The following STK32B variants were observed in gnomAD, a reference collection of about 807,000 sequenced individuals.
STK32B encodes serine/threonine-protein kinase 32B.
In STK32B, 43 loss-of-function variants were observed where a neutral mutation model predicts 52.6. That is an observed-to-expected ratio of 0.82 (90% CI 0.64 to 1.05). STK32B has a LOEUF of 1.05. Among genes scored for constraint, STK32B ranks in the 50% least tolerant of loss-of-function variants. The pLI, the probability that STK32B is intolerant of heterozygous loss-of-function variation, is 0.00. For synonymous variants in STK32B, 238 were observed against 204.3 expected (o/e 1.17, Z -1.41); for missense variants, 621 against 534.6 (o/e 1.16, Z -1.59).
the STK32B span, among the ~76,000 whole-genome samples, chr4:5,044,762 T>G: frequency 6.6e-6 from 1 of 151,968 alleles, no homozygotes; most frequent in Non-Finnish European, 1.5e-5. Flanking sequence ...AAATAAAAAG[T>G]CAGCCAGGTG....
chr4:5,124,766 G>A (rs906437719), intron 1 of STK32B, among the ~76,000 whole-genome samples: 5 of 152,174 alleles, frequency 3.3e-5, no homozygotes, highest in African/African-American at 1.2e-4. Flanking sequence ...ATGCACGTGT[G>A]TGTTTTAGGG....
chr4:5,249,482 CCTTCCTT>C (rs1725748792), intron 3 of STK32B, among the ~76,000 whole-genome samples: 3 of 142,406 alleles, frequency 2.1e-5, no homozygotes, highest in East Asian at 2.0e-4. Context: ...TTCCTTCCTT[CCTTCCTT>C]CCTTCCTTCC....
chr4:5,213,425 C>G (rs553113653), intron 3 of STK32B, among the ~76,000 whole-genome samples: 1 of 152,196 alleles, frequency 6.6e-6, no homozygotes, highest in Admixed American at 6.5e-5. Flanking sequence ...ATCCAGATTC[C>G]TTTCTGTTGG....
chr4:5,126,677 T>A (rs548488116), intron 1 of STK32B, among the ~76,000 whole-genome samples: 2 of 152,246 alleles, frequency 1.3e-5, no homozygotes, highest in Non-Finnish European at 2.9e-5. Context: ...TAGCTTTAGT[T>A]ACTTCTTAAA....
chr4:5,446,597 C>T, intron 6 of STK32B, 76 bp from the exon 7 acceptor site: 1 of 1,235,764 alleles, frequency 8.1e-7, no homozygotes, highest in Non-Finnish European at 1.2e-6. Context: ...CAATTTCTCT[C>T]CTTGTCCCCT....
chr4:5,443,883 G>A (rs1280725766), intron 6 of STK32B, among the ~76,000 whole-genome samples: 1 of 152,208 alleles, frequency 6.6e-6, no homozygotes, highest in Non-Finnish European at 1.5e-5. Context: ...GTGTGCCCCT[G>A]CTGGGGGGTG....
chr4:5,258,875 A>T (rs980482566), intron 3 of STK32B, among the ~76,000 whole-genome samples: 2 of 152,274 alleles, frequency 1.3e-5, no homozygotes, highest in Middle Eastern at 3.4e-3. Context: ...TCTCACTCGG[A>T]GGTAAAGCTG....
chr4:5,377,984 G>A (rs1296271865), intron 4 of STK32B, among the ~76,000 whole-genome samples: 2 of 152,178 alleles, frequency 1.3e-5, no homozygotes, highest in Admixed American at 6.5e-5. Context: ...TAGACTGGGT[G>A]CCCACCAAGG....
chr4:5,044,747 A>G, the STK32B span, among the ~76,000 whole-genome samples: 5 of 152,202 alleles, frequency 3.3e-5, no homozygotes, highest in Admixed American at 3.3e-4. Flanking sequence ...GTCTCTACAA[A>G]CTTAAAATAA....
intron 7 of STK32B, among the ~76,000 whole-genome samples, chr4:5,451,355 A>G (rs16837255): frequency 0.018 from 2,699 of 152,262 alleles, 42 homozygotes; most frequent in South Asian, 0.082. Context: ...TGGCCTACCC[A>G]CCTGTCAGAA....
intron 3 of STK32B, among the ~76,000 whole-genome samples, chr4:5,255,866 G>T (rs1316874510): frequency 6.6e-6 from 1 of 152,100 alleles, no homozygotes; most frequent in Non-Finnish European, 1.5e-5. Flanking sequence ...GGGATTCTAT[G>T]AATAAAGCTG....
chr4:5,070,485 C>G lies in STK32B; in HGVS notation c.52+18570C>G, dbSNP rs185467231. Among the ~76,000 whole-genome samples, 25 of 152,262 alleles carry G rather than the reference C, an allele frequency of 1.6e-4. No individual in the cohort carries two copies. In the South Asian group the frequency reaches 4.2e-3, roughly 25 times the overall value. The stretch of plus-strand genomic sequence containing the variant: ...GGCTTGAGGGGAAAACAATAAAAGT[C>G]CTTGGATGCCTAATGCTTAGGTTGA... On this transcript the variant is annotated intron_variant, in intron 1 of 11. Transcript: ENST00000282908.
chr4:5,092,348 A>G (rs1201791645), intron 1 of STK32B, among the ~76,000 whole-genome samples: 1 of 152,206 alleles, frequency 6.6e-6, no homozygotes, highest in African/African-American at 2.4e-5. Context: ...CCTGGGCAAC[A>G]TGGTGAAACC....
At chr4:5,063,606 G>A (rs1742301012) in intron 1 of STK32B, among the ~76,000 whole-genome samples, 1 of 152,192 alleles carries the variant, frequency 6.6e-6, no homozygotes, top group African/African-American at 2.4e-5. Flanking sequence ...ACCTCCCAAA[G>A]TGCTGGCCAA....
At chr4:5,222,029 A>T (rs1383382685) in intron 3 of STK32B, among the ~76,000 whole-genome samples, 1 of 152,140 alleles carries the variant, frequency 6.6e-6, no homozygotes, top group Non-Finnish European at 1.5e-5. Context: ...CTATTTGAGG[A>T]CCTAGCATTC....
intron 3 of STK32B, among the ~76,000 whole-genome samples, chr4:5,181,775 T>G (rs1237251753): frequency 6.6e-6 from 1 of 152,256 alleles, no homozygotes; most frequent in Non-Finnish European, 1.5e-5. Flanking sequence ...TCAACAAGTT[T>G]TAATCTTTTT....
At position 5,399,556 on chromosome 4, in the gene STK32B, C is replaced by T. The variant is rs1342056839; in HGVS notation, c.472+1312C>T. ...AGCAGCAGCCCCAAGATGCCTGGGG[C>T]ATGGACAGAGCTGAGGATCCAAATC... On this transcript the variant is annotated intron_variant, in intron 5 of 11. Coordinates refer to ENST00000282908, the MANE Select transcript of STK32B (RefSeq NM_018401.3). This position sits in a 1 kb window ranked among gnomAD's most constrained non-coding sequence, Gnocchi z 5.4. Among the ~76,000 whole-genome samples the T allele has an allele frequency of 6.6e-6, 1 of 152,154 alleles. No individual in the cohort carries two copies. Among genetic ancestry groups the T allele is most frequent in the African/African-American group, 2.4e-5 (1 of 41,436 alleles).
chr4:5,059,386 C>G (rs1450190533), intron 1 of STK32B, among the ~76,000 whole-genome samples: 1 of 152,120 alleles, frequency 6.6e-6, no homozygotes, highest in East Asian at 1.9e-4. Context: ...ATGTTTCCTT[C>G]TATCCTGATT....
chr4:5,456,465 G>C (rs1716531185), intron 7 of STK32B, among the ~76,000 whole-genome samples: 1 of 152,234 alleles, frequency 6.6e-6, no homozygotes. Flanking sequence ...TGGACGGCAA[G>C]AGTCAGCCCG....
Sources: gnomAD v4.1 joint callset for allele counts (sites outside exome capture counted in the v4.1 genomes callset) on GRCh38, gnomAD v4.1.1 for gene constraint, Gnocchi (gnomAD v3.1) non-coding constraint, MANE v1.5 for transcripts, NCBI Gene and HGNC (gene_info 2026-07-23, HGNC 2026-07-21) for gene names.